Variants in CNTNAP2 observed in about 807,000 individuals in gnomAD.
CNTNAP2 encodes the protein contactin associated protein 2.
CNTNAP2 carries 98 observed loss-of-function variants against 155.2 expected under a neutral mutation model. The ratio of observed to expected loss-of-function variants is 0.63; its 90% CI spans 0.54 to 0.75. The LOEUF is 0.75. Ranked by LOEUF, CNTNAP2 falls within the 30% of genes least tolerant of loss-of-function variation. The pLI, the probability that CNTNAP2 is intolerant of heterozygous loss-of-function variation, is 0.00. For missense variants in CNTNAP2, 1,727 were observed against 1,688.1 expected (o/e 1.02, Z -0.40); for synonymous variants, 651 against 631.2 (o/e 1.03, Z -0.47).
intron 12 of CNTNAP2, among the ~76,000 whole-genome samples, chr7:147,603,790 C>G (rs1266632597): frequency 2.0e-5 from 3 of 152,144 alleles, no homozygotes; most frequent in Non-Finnish European, 4.4e-5. Flanking sequence ...AAGAACAAAG[C>G]TGGAGGCATC....
intron 1 of CNTNAP2, among the ~76,000 whole-genome samples, chr7:146,416,153 T>C (rs940670700): frequency 8.5e-6 from 1 of 117,568 alleles, no homozygotes; most frequent in African/African-American, 5.2e-5. Flanking sequence ...TTTCATTACA[T>C]ATAAAATGAA....
chr7:146,988,386 G>A (rs746865295), intron 3 of CNTNAP2, among the ~76,000 whole-genome samples: 25 of 151,838 alleles, frequency 1.6e-4, no homozygotes, highest in South Asian at 6.2e-4. Context: ...TTTTCAGATC[G>A]TAATTAGCCA....
chr7:147,468,277 CT>C (rs1798154847), intron 10 of CNTNAP2, among the ~76,000 whole-genome samples: 1 of 151,954 alleles, frequency 6.6e-6, no homozygotes, highest in African/African-American at 2.4e-5. Context: ...AAGACCCTGT[CT>C]CAAAAAAAAG....
chr7:147,709,798 A>G (rs1022322803), intron 13 of CNTNAP2, among the ~76,000 whole-genome samples: 5 of 152,176 alleles, frequency 3.3e-5, no homozygotes, highest in South Asian at 4.1e-4. Flanking sequence ...TCTTTAGCAC[A>G]TAAGTAATCT....
Position 146,213,027 on chromosome 7 carries a change from C to T in CNTNAP2, c.97+96054C>T, listed in dbSNP as rs138740260. ...CAGTGTAGCCCCTTATGCCATTGGA[C>T]GGCTACTGTAGAAGTGTCCTTGGAA... On this transcript the variant is annotated intron_variant, in intron 1 of 23. Transcript: ENST00000361727. 7.1e-3 allele frequency among the ~76,000 whole-genome samples: 1,084 copies of T among 152,284 alleles called. 9 individuals carry two copies. The highest frequency in any genetic ancestry group is 0.012 in the Non-Finnish European group (808 of 68,020).
At chr7:146,506,172 G>A (rs1380289865) in intron 1 of CNTNAP2, among the ~76,000 whole-genome samples, 2 of 152,182 alleles carry the variant, frequency 1.3e-5, no homozygotes, top group Non-Finnish European at 1.5e-5. Context: ...TCCTGCAAGG[G>A]TAGGCAAACA....
chr7:148,070,233 A>G (rs1803355345), intron 15 of CNTNAP2, among the ~76,000 whole-genome samples: 1 of 152,256 alleles, frequency 6.6e-6, no homozygotes, highest in African/African-American at 2.4e-5. Context: ...AGGAAAAATA[A>G]AAACTGACAA....
chr7:148,265,409 G>A (rs1796649904), intron 20 of CNTNAP2, among the ~76,000 whole-genome samples: 1 of 152,084 alleles, frequency 6.6e-6, no homozygotes, highest in Admixed American at 6.5e-5. Flanking sequence ...GAGTAGCTGT[G>A]ACTACCGGTG....
At chr7:146,129,153 A>G (rs1797679001) in intron 1 of CNTNAP2, among the ~76,000 whole-genome samples, 1 of 152,138 alleles carries the variant, frequency 6.6e-6, no homozygotes, top group African/African-American at 2.4e-5. Flanking sequence ...AATCTGAGGC[A>G]TTTTCGTTTT....
chr7:148,226,380 C>T (rs1340305100), intron 19 of CNTNAP2, among the ~76,000 whole-genome samples: 3 of 151,994 alleles, frequency 2.0e-5, no homozygotes, highest in Non-Finnish European at 4.4e-5. Context: ...CACCAACCAC[C>T]AAGAATGTCA....
chr7:146,816,314 G>T (rs916871631), intron 2 of CNTNAP2, among the ~76,000 whole-genome samples: 4 of 152,262 alleles, frequency 2.6e-5, no homozygotes, highest in Admixed American at 2.0e-4. Context: ...TGAAGGGAAA[G>T]GTAGAGAGGA....
intron 1 of CNTNAP2, among the ~76,000 whole-genome samples, chr7:146,196,187 A>G (rs1454802612): frequency 6.6e-6 from 1 of 152,236 alleles, no homozygotes; most frequent in Admixed American, 6.5e-5. Context: ...ACAGTGCTTA[A>G]CCTTAAAAGA....
chr7:147,163,248 T>C (rs958030919), intron 8 of CNTNAP2, among the ~76,000 whole-genome samples: 4 of 152,120 alleles, frequency 2.6e-5, no homozygotes, highest in Admixed American at 2.6e-4. Flanking sequence ...GGCTAGGCTG[T>C]GCATAAAAGA....
intron 12 of CNTNAP2, among the ~76,000 whole-genome samples, chr7:147,614,493 A>G (rs952231852): frequency 4.6e-5 from 7 of 151,882 alleles, no homozygotes; most frequent in Non-Finnish European, 1.0e-4. Flanking sequence ...TGGAAATATA[A>G]TTGATTTTTG....
chr7:148,073,233 C>T (rs928007854), intron 15 of CNTNAP2, among the ~76,000 whole-genome samples: 2 of 152,126 alleles, frequency 1.3e-5, no homozygotes, highest in African/African-American at 2.4e-5. Context: ...TATAAGATAG[C>T]GTCATGTGTC....
In CNTNAP2 at chr7:147,042,790, T is replaced by C. The variant is rs1194128757; in HGVS notation, c.403-1117T>C. Among the ~76,000 whole-genome samples the C allele has an allele frequency of 2.0e-5, 3 of 152,112 alleles. No homozygotes were observed. The South Asian group carries it at 6.2e-4, about 31-fold the overall frequency. ...GTATGATTTTAAGATAATTTAAATC[T>C]GAAAGTTAATATCTTCTAAAAGATA... On this transcript the variant is annotated intron_variant, in intron 3 of 23. Transcript: ENST00000361727.
At chr7:147,441,854 TCC>T (rs1797645560) in intron 10 of CNTNAP2, among the ~76,000 whole-genome samples, 3 of 109,752 alleles carry the variant, frequency 2.7e-5, no homozygotes, top group African/African-American at 6.6e-5. Context: ...TCTCTCTCCC[TCC>T]CTCCCTCCCT....
chr7:148,019,171 T>G (rs776030112), intron 15 of CNTNAP2, among the ~76,000 whole-genome samples: 3 of 152,210 alleles, frequency 2.0e-5, no homozygotes, highest in Non-Finnish European at 2.9e-5. Context: ...GAATTCCCAC[T>G]GCATTTTCTT....
At chr7:147,149,494 A>T (rs116817272) in intron 8 of CNTNAP2, among the ~76,000 whole-genome samples, 227 of 152,336 alleles carry the variant, frequency 1.5e-3, no homozygotes, top group African/African-American at 5.1e-3. Context: ...GAAAGAAATT[A>T]GTTTGGAGAG....
Sources: gnomAD v4.1 joint callset for allele counts (sites outside exome capture counted in the v4.1 genomes callset) on GRCh38, gnomAD v4.1.1 for gene constraint, MANE v1.5 for transcripts, NCBI Gene and HGNC (gene_info 2026-07-23, HGNC 2026-07-21) for gene names.